The following HSPA12B variants were observed in gnomAD, a reference collection of about 807,000 sequenced individuals.
HSPA12B encodes heat shock protein family A (Hsp70) member 12B.
HSPA12B carries 54 observed loss-of-function variants against 69.3 expected under a neutral mutation model. The observed-to-expected ratio is 0.78, with a 90% CI of 0.63 to 0.98. The LOEUF is 0.98. Ranked by LOEUF, HSPA12B falls within the 50% of genes least tolerant of loss-of-function variation. HSPA12B has a pLI of 0.00. For missense variants in HSPA12B, 929 were observed against 999.8 expected (o/e 0.93, Z 0.96); for synonymous variants, 441 against 436.5 (o/e 1.01, Z -0.13).
In HSPA12B at chr20:3,742,406, G is replaced by A. The variant is rs1432769783; in HGVS notation, c.264G>A (p.Met88Ile). The stretch of plus-strand genomic sequence containing the variant: ...GTGACCCTGAGGCCATCCACATGAT[G>A]AGGTGAGGTCGGCTGGGCTGAGAGA... ...FASDPEAIHM[M>I]RKWEGGDPGV... Residue 88 changes from methionine to isoleucine, a missense_variant and splice_region_variant, in exon 4 of 13, where the codon ATG becomes ATA. Met to Ile is a conservative substitution (Grantham distance 10). This residue lies in a region of HSPA12B where 477 missense variants were observed against 535.2 expected (regional missense o/e 0.89). Coordinates refer to ENST00000254963, the MANE Select transcript of HSPA12B (RefSeq NM_052970.5). The A allele has an allele frequency of 6.2e-7, 1 of 1,610,372 alleles. No individual in the cohort carries two copies. The highest frequency in any genetic ancestry group is 1.1e-5 in the South Asian group (1 of 91,000).
At chr20:3,736,309 T>C (rs1268304637) in intron 1 of HSPA12B, among the ~76,000 whole-genome samples, 1 of 152,184 alleles carries the variant, frequency 6.6e-6, no homozygotes, top group East Asian at 1.9e-4. Flanking sequence ...CCCATCCTTC[T>C]TCTGATTCTG....
intron 7 of HSPA12B, among the ~76,000 whole-genome samples, chr20:3,747,263 A>T (rs2088323352): frequency 6.6e-6 from 1 of 152,102 alleles, no homozygotes; most frequent in African/African-American, 2.4e-5. Context: ...GGGACCCCCA[A>T]TCCTCCCATA....
Position 3,744,990 on chromosome 20 carries a change from G to A in HSPA12B, c.355G>A (p.Gly119Ser), listed in dbSNP as rs1336933798. 5.0e-6 allele frequency: 8 copies of A among 1,613,998 alleles called. No individual in the cohort carries two copies. Among genetic ancestry groups the A allele is most frequent in the Non-Finnish European group, 6.8e-6 (8 of 1,180,018 alleles). The change falls in exon 5 of 13, where the codon GGC becomes AGC. Residue 119 changes from glycine (G) to serine (S), a missense_variant. This residue lies in a region of HSPA12B where 477 missense variants were observed against 535.2 expected (regional missense o/e 0.89). Transcript: ENST00000254963. The surrounding 1 kb of genome is among the most constrained non-coding windows in gnomAD (Gnocchi z 4.9). ...TCCGGAGGGCGCCTTCCACAGCTTT[G>A]GCTACACCGCCCGCGATTACTACCA... ...LTPEGAFHSF[G>S]YTARDYYHDL... is the part of the protein sequence containing the mutation.
rs929091894 is a variant in HSPA12B at position 3,752,296 on chromosome 20, C to T, written c.*130C>T. 3.3e-6 allele frequency: 3 copies of T among 907,694 alleles called. No homozygotes were observed. Among genetic ancestry groups the T allele is most frequent in the Non-Finnish European group, 4.6e-6 (3 of 648,068 alleles). The allele number at this position is 907,694 out of a possible 1,614,324, so 56.2% of individuals were successfully genotyped here. A position where few individuals can be genotyped will look rare whatever the true frequency, so the allele number is the denominator to read the frequency against. On this transcript the variant is annotated 3_prime_UTR_variant, in exon 13 of 13. Coordinates refer to ENST00000254963, the MANE Select transcript of HSPA12B (RefSeq NM_052970.5). ...TGCGCCTTTCCACGCCCTCCAGCCC[C>T]GGGGGAGATAAGGTCATGGGAGAGT...
chr20:3,750,362 C>CGG (rs2088394302), intron 11 of HSPA12B, 135 bp downstream of exon 11: 1 of 995,944 alleles, frequency 1.0e-6, no homozygotes, highest in Admixed American at 3.0e-5. Context: ...AGCAGGGCGT[C>CGG]GGGGTGGGGC....
intron 7 of HSPA12B, 53 bp downstream of exon 7, chr20:3,746,084 T>TC: frequency 7.3e-7 from 1 of 1,369,154 alleles, no homozygotes; most frequent in East Asian, 2.3e-5. Flanking sequence ...GCCAGGCCTG[T>TC]CCCCATGCTT....
At chr20:3,743,184 C>CTTTT (rs61614564) in intron 4 of HSPA12B, among the ~76,000 whole-genome samples, 27,487 of 138,914 alleles carry the variant, frequency 0.2, 3,271 homozygotes, top group Middle Eastern at 0.26. Context: ...CCAACCTGGC[C>CTTTT]TTTTTTTTTT....
rs988161098 is a variant in HSPA12B at position 3,742,337 on chromosome 20, T to G, written c.195T>G (p.Ile65Met). Reference sequence around the variant, plus strand: ...CCTCCTTCTCTGTGGTGGTGGCCATTGACTTCGGCACCACGTCTAGTGGCT... The same window carrying G: ...CCTCCTTCTCTGTGGTGGTGGCCATGGACTTCGGCACCACGTCTAGTGGCT... ...QQASFSVVVA[I>M]DFGTTSSGYA... The change falls in exon 4 of 13, where the codon ATT (isoleucine) becomes ATG (methionine). Residue 65 changes from isoleucine (I) to methionine (M), a missense_variant. Ile to Met is a conservative substitution (Grantham distance 10, BLOSUM62 1). This residue lies in a region of HSPA12B where 477 missense variants were observed against 535.2 expected (regional missense o/e 0.89). Transcript: ENST00000254963. 3 of 1,613,954 alleles carry G rather than the reference T, an allele frequency of 1.9e-6. No individual in the cohort carries two copies. The highest frequency in any genetic ancestry group is 3.3e-5 in the Admixed American group (2 of 59,998).
At chr20:3,750,655 G>A (rs1050417763) in intron 11 of HSPA12B, 149 bp from the exon 12 acceptor site, 5 of 1,529,016 alleles carry the variant, frequency 3.3e-6, no homozygotes, top group South Asian at 2.5e-5. Context: ...CTAACATCCC[G>A]CAGGTCCAGT....
chr20:3,750,143 T>C lies in HSPA12B; in HGVS notation c.1217T>C (p.Leu406Pro). Residue 406 changes from leucine to proline, a missense_variant, in exon 11 of 13, where the codon CTC becomes CCC. Leu to Pro is a moderately conservative substitution (Grantham distance 98). Transcript: ENST00000254963. ...GCTGGCCCACACCGTGCAGGGGCGC[T>C]CAACATCTCGCTGCCCTTCTCCTTC... The part of the protein sequence containing the change: ...RTAGPHRAGA[L>P]NISLPFSFID... 6.2e-7 allele frequency: 1 copy of C among 1,611,738 alleles called. No homozygotes were observed. Among genetic ancestry groups the C allele is most frequent in the Non-Finnish European group, 8.5e-7 (1 of 1,179,382 alleles).
At chr20:3,734,033 T>C (rs1242534152) in intron 1 of HSPA12B, among the ~76,000 whole-genome samples, 2 of 152,152 alleles carry the variant, frequency 1.3e-5, no homozygotes, top group Non-Finnish European at 2.9e-5. Flanking sequence ...CCCTGCAAGG[T>C]GGCTCACGCC....
chr20:3,742,373 C>A lies in HSPA12B; in HGVS notation c.231C>A (p.Ser77Arg), dbSNP rs1187882777. Reference protein sequence around the residue: ...FGTTSSGYAFSFASDPEAIHM... With the variant: ...FGTTSSGYAFRFASDPEAIHM... ...CCACGTCTAGTGGCTATGCTTTCAG[C>A]TTTGCCAGTGACCCTGAGGCCATCC... Residue 77 changes from serine to arginine, a missense_variant, in exon 4 of 13, where the codon AGC (serine) becomes AGA (arginine). Ser to Arg is a moderately radical substitution (Grantham distance 110, BLOSUM62 -1). Coordinates refer to ENST00000254963, the MANE Select transcript of HSPA12B (RefSeq NM_052970.5). 1 of 1,614,008 alleles carries A rather than the reference C, an allele frequency of 6.2e-7. No homozygotes were observed.
In HSPA12B at chr20:3,752,020, T is replaced by A. The variant is rs1184349601; in HGVS notation, c.1915T>A (p.Cys639Ser). The A allele has an allele frequency of 1.9e-6, 3 of 1,564,794 alleles. No individual in the cohort carries two copies. The highest frequency in any genetic ancestry group is 1.1e-5 in the South Asian group (1 of 87,782). Residue 639 changes from cysteine (C) to serine (S), a missense_variant, in exon 13 of 13, where the codon TGC becomes AGC. Cys to Ser is a moderately radical substitution (Grantham distance 112). This residue lies in a region of HSPA12B where 448 missense variants were observed against 448.1 expected (regional missense o/e 1.00). Coordinates refer to ENST00000254963, the MANE Select transcript of HSPA12B (RefSeq NM_052970.5). ...ALSLELEPADCGQDTAGAPPG... is the reference protein window; with the variant it reads ...ALSLELEPADSGQDTAGAPPG... ...CAGCCTCGAGCTTGAGCCCGCCGAC[T>A]GCGGCCAGGACACCGCCGGCGCGCC...
intron 1 of HSPA12B, 68 bp from the exon 2 acceptor site, chr20:3,738,590 A>G: frequency 7.0e-7 from 1 of 1,438,782 alleles, no homozygotes; most frequent in Non-Finnish European, 9.8e-7. Context: ...AATAAAATAA[A>G]TAAGCATTCA....
intron 11 of HSPA12B, 121 bp from the exon 12 acceptor site, chr20:3,750,683 C>CA (rs1406142424): frequency 1.3e-6 from 2 of 1,573,742 alleles, no homozygotes; most frequent in Non-Finnish European, 1.7e-6. Flanking sequence ...ACACCACGTG[C>CA]AGTCGGTGCC....
rs777756080 is a variant in HSPA12B, at chr20:3,749,926, C to T, written c.1043-43C>T. Reference sequence around the variant, plus strand: ...GGCCCCGCCACTGCCCCCTGGCGGCCCGGCGAGCGCTGACGCCCTCTTCGC... The same window carrying T: ...GGCCCCGCCACTGCCCCCTGGCGGCTCGGCGAGCGCTGACGCCCTCTTCGC... On this transcript the variant is annotated intron_variant, in intron 10 of 12. Transcript: ENST00000254963. This position sits in a 1 kb window ranked among gnomAD's most constrained non-coding sequence, Gnocchi z 5.5. 1.3e-6 allele frequency: 2 copies of T among 1,546,246 alleles called. No homozygotes were observed. Among genetic ancestry groups the T allele is most frequent in the East Asian group, 2.4e-5 (1 of 42,024 alleles).
intron 7 of HSPA12B, among the ~76,000 whole-genome samples, chr20:3,748,016 C>A (rs953313026): frequency 2.0e-5 from 3 of 152,282 alleles, no homozygotes; most frequent in Non-Finnish European, 4.4e-5. Flanking sequence ...CAGGGCCATT[C>A]CCTCCCCAGC....
At position 3,742,187 on chromosome 20, in the gene HSPA12B, A is replaced by C. The variant is rs796602061; in HGVS notation, c.142-97A>C. ...GGCTGGTCTGGACCACAGTCAGTGGAGGGGAGTGTCTTCCCCATGCAGAGG... is the reference window on the plus strand; with the variant it reads ...GGCTGGTCTGGACCACAGTCAGTGGCGGGGAGTGTCTTCCCCATGCAGAGG... On this transcript the variant is annotated intron_variant, in intron 3 of 12. Transcript: ENST00000254963. The C allele has an allele frequency of 3.3e-6, 5 of 1,532,008 alleles. No individual in the cohort carries two copies. In the African/African-American group the frequency reaches 6.8e-5, roughly 21 times the overall value. 94.9% of individuals were successfully genotyped at this position (1,532,008 alleles called of 1,614,324 possible). A position where few individuals can be genotyped will look rare whatever the true frequency, so the allele number is the denominator to read the frequency against.
intron 1 of HSPA12B, among the ~76,000 whole-genome samples, chr20:3,735,620 T>G (rs1452771936): frequency 6.6e-6 from 1 of 151,950 alleles, no homozygotes; most frequent in Non-Finnish European, 1.5e-5. Flanking sequence ...CGTCTGCCAC[T>G]ACGCTTGGCT....
Sources: gnomAD v4.1 joint callset for allele counts (sites outside exome capture counted in the v4.1 genomes callset) on GRCh38, gnomAD v4.1.1 for gene constraint, gnomAD v4.1.1 regional missense constraint, Gnocchi (gnomAD v3.1) non-coding constraint, MANE v1.5 for transcripts, NCBI Gene and HGNC (gene_info 2026-07-23, HGNC 2026-07-21) for gene names.